The following FN1 variants were observed in gnomAD, a reference collection of about 807,000 sequenced individuals.
The protein encoded by FN1 is fibronectin.
In FN1, 106 loss-of-function variants were observed where a neutral mutation model predicts 297.3. The observed-to-expected ratio is 0.36, with a 90% CI of 0.30 to 0.42. FN1 has a LOEUF of 0.42. Ranked by LOEUF, FN1 falls within the 10% of genes least tolerant of loss-of-function variation. The pLI is 1.00. For missense variants in FN1, 2,690 were observed against 3,124.9 expected (o/e 0.86, Z 3.32); for synonymous variants, 1,149 against 1,152.6 (o/e 1.00, Z 0.06).
chr2:215,376,780 G>T, intron 35 of FN1, 106 bp from the exon 36 acceptor site: 2 of 942,998 alleles, frequency 2.1e-6, no homozygotes, highest in Non-Finnish European at 1.7e-6. Context: ...TCCATTTCAA[G>T]AAATATATAA....
At chr2:215,434,148 C>T (rs1444285656) in intron 2 of FN1, among the ~76,000 whole-genome samples, 1 of 152,114 alleles carries the variant, frequency 6.6e-6, no homozygotes, top group Non-Finnish European at 1.5e-5. Flanking sequence ...AGATCCCCAC[C>T]TCCCACAAGG....
At chr2:215,425,463 A>G (rs981529877) in intron 6 of FN1, among the ~76,000 whole-genome samples, 178 bp from the exon 7 acceptor site, 2 of 152,212 alleles carry the variant, frequency 1.3e-5, no homozygotes, top group African/African-American at 4.8e-5. Flanking sequence ...AGCCTAGGAA[A>G]TAATCCACAA....
intron 30 of FN1, 37 bp from the exon 31 acceptor site, chr2:215,383,520 A>T: frequency 6.2e-7 from 1 of 1,611,776 alleles, no homozygotes; most frequent in Non-Finnish European, 8.5e-7. Flanking sequence ...GTGAAGCCCC[A>T]GTCCTTGGAG....
intron 19 of FN1, 125 bp from the exon 20 acceptor site, chr2:215,404,780 A>T: frequency 4.3e-6 from 4 of 924,198 alleles, no homozygotes; most frequent in Non-Finnish European, 6.8e-6. Flanking sequence ...GAAAGTCAAA[A>T]CCCTGGAAAA....
chr2:215,383,519 C>CA (rs1478544340), intron 30 of FN1, 36 bp from the exon 31 acceptor site: 1 of 1,612,708 alleles, frequency 6.2e-7, no homozygotes. Flanking sequence ...AGTGAAGCCC[C>CA]AGTCCTTGGA....
Position 215,370,397 on chromosome 2 carries a change from C to A in FN1, c.6750G>T (p.Leu2250=). 1 of 1,613,884 alleles carries A rather than the reference C, an allele frequency of 6.2e-7. No homozygotes were observed. Among genetic ancestry groups the A allele is most frequent in the South Asian group, 1.1e-5 (1 of 91,070 alleles). Residue 2250 remains leucine (L), a synonymous_variant, in exon 41 of 46, where the codon CTG becomes CTT. Transcript: ENST00000354785. ...RVPGTSTSAT[L]TGLTRGATYN... is the part of the protein sequence containing the mutation. ...AGGTGGCACCTCTGGTGAGGCCTGTCAGAGTGGCACTGGTAGAAGTTCCAG... is the reference window on the plus strand; with the variant it reads ...AGGTGGCACCTCTGGTGAGGCCTGTAAGAGTGGCACTGGTAGAAGTTCCAG...
At chr2:215,368,564 A>G (rs1007210020) in intron 41 of FN1, among the ~76,000 whole-genome samples, 3 of 152,266 alleles carry the variant, frequency 2.0e-5, no homozygotes, top group Non-Finnish European at 2.9e-5. Context: ...AATAAAGAAT[A>G]ATTATTAAAG....
intron 33 of FN1, chr2:215,379,753 G>A (rs1012386027): frequency 4.8e-6 from 1 of 208,716 alleles, no homozygotes. Flanking sequence ...CAGTGCAGTG[G>A]AGTTATCATA....
intron 6 of FN1, among the ~76,000 whole-genome samples, chr2:215,427,096 T>C (rs923109300): frequency 5.9e-5 from 9 of 151,948 alleles, no homozygotes; most frequent in African/African-American, 1.4e-4. Flanking sequence ...AGGATGGTCT[T>C]GATCTCCTGA....
At chr2:215,369,299 A>G (rs1261891400) in intron 41 of FN1, among the ~76,000 whole-genome samples, 1 of 152,168 alleles carries the variant, frequency 6.6e-6, no homozygotes, top group Non-Finnish European at 1.5e-5. Context: ...TTCTACTAGT[A>G]AAACCACAAA....
At chr2:215,378,389 C>T in intron 34 of FN1, 127 bp from the exon 35 acceptor site, 1 of 695,226 alleles carries the variant, frequency 1.4e-6, no homozygotes, top group South Asian at 1.5e-5. Context: ...AAACCCACAA[C>T]CTTGAAAATT....
chr2:215,376,610 C>G lies in FN1; in HGVS notation c.5775G>C (p.Trp1925Cys), dbSNP rs869025198. The G allele has an allele frequency of 6.2e-7, 1 of 1,613,874 alleles. No homozygotes were observed. Among genetic ancestry groups the G allele is most frequent in the South Asian group, 1.1e-5 (1 of 91,042 alleles). ...CAGTGATCGTCTCAGTCTTGGTTCT[C>G]CAGCTAATGGTGATGGTGGTCTCAG... is the stretch of plus-strand genomic sequence containing the variant. ...DATETTITISWRTKTETITGF... is the reference protein window; with the variant it reads ...DATETTITISCRTKTETITGF... Residue 1925 changes from tryptophan to cysteine, a missense_variant, in exon 36 of 46, where the codon TGG (tryptophan) becomes TGC (cysteine). Coordinates refer to ENST00000354785, the MANE Select transcript of FN1 (RefSeq NM_212482.4).
In FN1 at chr2:215,406,390, T is replaced by G. The variant is rs570177360; in HGVS notation, c.2834A>C (p.Asn945Thr). ...TGYRVDVIPV[N>T]LPGEHGQRLP... ...CCTCTGCCCGTGCTCGCCAGGCAGG[T>G]TGACGGGGATCACATCCACACGGTA... The change falls in exon 19 of 46, where the codon AAC (asparagine) becomes ACC (threonine). Residue 945 changes from asparagine (N) to threonine (T), a missense_variant. This residue lies in a region of FN1 where 1,743 missense variants were observed against 1,945.2 expected (regional missense o/e 0.90). Transcript: ENST00000354785. The G allele has an allele frequency of 5.0e-6, 8 of 1,614,190 alleles. 1 individual carries two copies. The Middle Eastern group carries it at 4.9e-4, about 100-fold the overall frequency.
chr2:215,408,406 A>T lies in FN1; in HGVS notation c.2320T>A (p.Ser774Thr), dbSNP rs2062088038. The T allele has an allele frequency of 1.2e-6, 2 of 1,614,186 alleles. No individual in the cohort carries two copies. The highest frequency in any genetic ancestry group is 1.7e-6 in the Non-Finnish European group (2 of 1,180,022). ...GGAAGCAGGTCAGGGATGTTCACAGAAGTGGCTGTGCTTGGAAGATCTTTG... is the reference window on the plus strand; with the variant it reads ...GGAAGCAGGTCAGGGATGTTCACAGTAGTGGCTGTGCTTGGAAGATCTTTG... ...QYLDLPSTAT[S>T]VNIPDLLPGR... Residue 774 changes from serine (S) to threonine (T), a missense_variant, in exon 16 of 46, where the codon TCT (serine) becomes ACT (threonine). Coordinates refer to ENST00000354785, the MANE Select transcript of FN1 (RefSeq NM_212482.4).
intron 2 of FN1, among the ~76,000 whole-genome samples, chr2:215,434,136 G>A (rs563362903): frequency 2.6e-5 from 4 of 152,102 alleles, no homozygotes; most frequent in Non-Finnish European, 4.4e-5. Flanking sequence ...CAAACAATTC[G>A]AAGATCCCCA....
rs113375576 is a variant in FN1 at position 215,380,810 on chromosome 2, C to T, written c.5434+1G>A. ...ACCTGGTGGTGCAATTAACCATATACCTGTGGACTGGGTTCCAATCAGGGG... is the reference window on the plus strand; with the variant it reads ...ACCTGGTGGTGCAATTAACCATATATCTGTGGACTGGGTTCCAATCAGGGG... On this transcript the variant is annotated splice_donor_variant, in intron 33 of 45. Transcript: ENST00000354785. LOFTEE classifies it high-confidence loss of function. The T allele has an allele frequency of 3.1e-6, 5 of 1,612,812 alleles. No homozygotes were observed. The highest frequency in any genetic ancestry group is 4.2e-6 in the Non-Finnish European group (5 of 1,179,940).
chr2:215,422,296 C>T, intron 9 of FN1, 53 bp from the exon 10 acceptor site: 1 of 1,534,930 alleles, frequency 6.5e-7, no homozygotes, highest in African/African-American at 1.4e-5. Flanking sequence ...CAGGTCTAAA[C>T]ATGTATGTGT....
At chr2:215,391,593 A>G in intron 26 of FN1, 39 bp downstream of exon 26, 1 of 1,545,970 alleles carries the variant, frequency 6.5e-7, no homozygotes, top group Non-Finnish European at 8.9e-7. Flanking sequence ...GCTATGCTCT[A>G]GGTTAATATT....
intron 9 of FN1, among the ~76,000 whole-genome samples, chr2:215,422,781 T>C (rs1559562203): frequency 6.6e-6 from 1 of 152,222 alleles, no homozygotes; most frequent in African/African-American, 2.4e-5. Flanking sequence ...TCTATGGGGT[T>C]CTTGAAATCT....
Sources: allele counts gnomAD v4.1 joint callset (sites outside exome capture counted in the v4.1 genomes callset), GRCh38; gene constraint gnomAD v4.1.1; regional missense constraint gnomAD v4.1.1; transcripts MANE v1.5; gene names NCBI Gene and HGNC (gene_info 2026-07-23, HGNC 2026-07-21).